Variants in FETUB observed in about 807,000 individuals in gnomAD.
The protein encoded by FETUB is fetuin-B.
Under a neutral mutation model 30.9 loss-of-function variants are expected in FETUB, and 28 were observed. That is an observed-to-expected ratio of 0.90 (90% CI 0.67 to 1.24). FETUB has a LOEUF of 1.24. Ranked by LOEUF, FETUB falls within the 50% of genes most tolerant of loss-of-function variation. FETUB has a pLI of 0.00. For synonymous variants in FETUB, 186 were observed against 175.9 expected (o/e 1.06, Z -0.45); for missense variants, 469 against 455.3 (o/e 1.03, Z -0.27).
intron 3 of FETUB, among the ~76,000 whole-genome samples, chr3:186,643,315 A>T (rs75295253): frequency 0.061 from 9,324 of 152,286 alleles, 351 homozygotes; most frequent in African/African-American, 0.1. Context: ...TGAAATATGC[A>T]CATGCATTCA....
chr3:186,642,309 A>T lies in FETUB; in HGVS notation c.337-162A>T, dbSNP rs1009240429. The stretch of plus-strand genomic sequence containing the variant: ...CTAGCTGTGTCCTAGGGAAAGGTTA[A>T]ACAGTTTGATCATCAACTGCAGTTC... On this transcript the variant is annotated intron_variant, in intron 2 of 6. Coordinates refer to ENST00000265029, the MANE Select transcript of FETUB (RefSeq NM_014375.3). The T allele has an allele frequency of 6.0e-5, 36 of 596,638 alleles. No homozygotes were observed. In the African/African-American group the frequency reaches 6.6e-4, roughly 11 times the overall value. The allele number at this position is 596,638 out of a possible 1,614,324, so 37.0% of individuals were successfully genotyped here.
chr3:186,639,899 C>T (rs984629663), upstream of FETUB, among the ~76,000 whole-genome samples: 2 of 152,178 alleles, frequency 1.3e-5, no homozygotes, highest in Non-Finnish European at 2.9e-5. Context: ...ATAAGTAGAA[C>T]ATTTTCCACC....
Position 186,652,526 on chromosome 3 carries a change from T to C in FETUB, c.1044T>C (p.Pro348=), listed in dbSNP as rs150148690. Residue 348 remains proline, a synonymous_variant, in exon 7 of 7, where the codon CCT becomes CCC. Coordinates refer to ENST00000265029, the MANE Select transcript of FETUB (RefSeq NM_014375.3). The part of the protein sequence containing the change: ...TLDISFLFLE[P]MEEKLVVLPF... Reference sequence around the variant, plus strand: ...ATATTTCCTTCCTCTTCCTGGAGCCTATGGAGGAGAAGCTGGTGGTCCTGC... The same window carrying C: ...ATATTTCCTTCCTCTTCCTGGAGCCCATGGAGGAGAAGCTGGTGGTCCTGC... 145 of 1,614,130 alleles carry C rather than the reference T, an allele frequency of 9.0e-5. No individual in the cohort carries two copies. Among genetic ancestry groups the C allele is most frequent in the Middle Eastern group, 5.0e-4 (3 of 6,048 alleles).
chr3:186,650,514 A>C (rs1186793269), intron 5 of FETUB, among the ~76,000 whole-genome samples: 1 of 152,294 alleles, frequency 6.6e-6, no homozygotes, highest in East Asian at 1.9e-4. Context: ...TGTAGCCATT[A>C]TTTTAAAAAC....
intron 5 of FETUB, 36 bp from the exon 6 acceptor site, chr3:186,651,181 TG>T: frequency 7.3e-7 from 1 of 1,365,210 alleles, no homozygotes; most frequent in Non-Finnish European, 1.0e-6. Context: ...CTGTGATCAC[TG>T]GTAATACTCA....
intron 4 of FETUB, 80 bp from the exon 5 acceptor site, chr3:186,646,168 G>A (rs1458525189): frequency 2.1e-6 from 2 of 935,154 alleles, no homozygotes; most frequent in Admixed American, 1.8e-5. Context: ...TGTTTCTGTA[G>A]ATATAACGCT....
In FETUB at chr3:186,640,450, T is replaced by C. The variant is rs1411102545; in HGVS notation, c.-11T>C. 1.9e-6 allele frequency: 3 copies of C among 1,610,476 alleles called. No homozygotes were observed. Among genetic ancestry groups the C allele is most frequent in the Non-Finnish European group, 2.5e-6 (3 of 1,176,810 alleles). On this transcript the variant is annotated 5_prime_UTR_variant, in exon 1 of 7. Coordinates refer to ENST00000265029, the MANE Select transcript of FETUB (RefSeq NM_014375.3). Reference sequence around the variant, plus strand: ...ACAAACTGACCCATCCTGGGCCTTGTTCTCCACAGAATGGGTCTGCTCCTT... The same window carrying C: ...ACAAACTGACCCATCCTGGGCCTTGCTCTCCACAGAATGGGTCTGCTCCTT...
At chr3:186,647,755 A>G (rs866455668) in intron 5 of FETUB, among the ~76,000 whole-genome samples, 1 of 152,198 alleles carries the variant, frequency 6.6e-6, no homozygotes, top group Middle Eastern at 3.4e-3. Flanking sequence ...TCAGATATAT[A>G]TTTTTAAGTA....
intron 5 of FETUB, among the ~76,000 whole-genome samples, chr3:186,647,739 TC>T (rs1362263742): frequency 6.6e-6 from 1 of 152,178 alleles, no homozygotes; most frequent in Non-Finnish European, 1.5e-5. Flanking sequence ...AGATACAATG[TC>T]CTTATCAGAT....
intron 5 of FETUB, 150 bp downstream of exon 5, chr3:186,646,499 C>A (rs1003128437): frequency 1.6e-5 from 10 of 639,898 alleles, no homozygotes; most frequent in African/African-American, 1.5e-4. Flanking sequence ...TTAGACAGAT[C>A]CAGACTGCAT....
At chr3:186,651,520 G>A (rs371353596) in intron 6 of FETUB, 48 of 527,864 alleles carry the variant, frequency 9.1e-5, no homozygotes, top group African/African-American at 8.0e-4. Context: ...GACAAATTCA[G>A]AAACAGGGAA....
chr3:186,639,655 TA>T (rs5855107), upstream of FETUB, among the ~76,000 whole-genome samples: 231 of 129,430 alleles, frequency 1.8e-3, 1 homozygote, highest in African/African-American at 5.7e-3. Context: ...AAATAGAAGC[TA>T]AAAAAAAAAA....
rs778497462 is a variant in FETUB, at chr3:186,640,455, C to T, written c.-6C>T. 6.2e-7 allele frequency: 1 copy of T among 1,612,850 alleles called. No homozygotes were observed. Among genetic ancestry groups the T allele is most frequent in the Non-Finnish European group, 8.5e-7 (1 of 1,178,958 alleles). ...CTGACCCATCCTGGGCCTTGTTCTC[C>T]ACAGAATGGGTCTGCTCCTTCCCCT... is the stretch of plus-strand genomic sequence containing the variant. On this transcript the variant is annotated 5_prime_UTR_variant, in exon 1 of 7. Coordinates refer to ENST00000265029, the MANE Select transcript of FETUB (RefSeq NM_014375.3).
At chr3:186,646,217 T>C (rs370744934) in intron 4 of FETUB, 31 bp from the exon 5 acceptor site, 21 of 1,533,804 alleles carry the variant, frequency 1.4e-5, no homozygotes, top group Non-Finnish European at 1.8e-5. Context: ...AAATGTTTGA[T>C]TTTTATGTCT....
At chr3:186,648,491 T>C (rs1024647156) in intron 5 of FETUB, among the ~76,000 whole-genome samples, 1 of 152,234 alleles carries the variant, frequency 6.6e-6, no homozygotes, top group Non-Finnish European at 1.5e-5. Context: ...TGAATTCTCA[T>C]GCTGATTTTA....
Position 186,641,082 on chromosome 3 carries a change from G to A in FETUB, c.278G>A (p.Cys93Tyr), listed in dbSNP as rs757812774. 1 of 1,614,012 alleles carries A rather than the reference G, an allele frequency of 6.2e-7. No individual in the cohort carries two copies. The highest frequency in any genetic ancestry group is 8.5e-7 in the Non-Finnish European group (1 of 1,179,916). ...ACACTGGATGTGCTAGAGACTGACTGCCATGTGCTCAGAAAGAAGGCATGG... is the reference window on the plus strand; with the variant it reads ...ACACTGGATGTGCTAGAGACTGACTACCATGTGCTCAGAAAGAAGGCATGG... Reference protein sequence around the residue: ...YLTLDVLETDCHVLRKKAWQD... With the variant: ...YLTLDVLETDYHVLRKKAWQD... The change falls in exon 2 of 7, where the codon TGC becomes TAC. Residue 93 changes from cysteine to tyrosine, a missense_variant. By Grantham distance (194) the Cys-to-Tyr change is radical (BLOSUM62 -2). Transcript: ENST00000265029.
At chr3:186,644,971 G>C in intron 4 of FETUB, 51 bp downstream of exon 4, 9 of 1,446,832 alleles carry the variant, frequency 6.2e-6, no homozygotes, top group Non-Finnish European at 8.4e-6. Flanking sequence ...CATAACTGTT[G>C]CTGTAGGTTC....
At chr3:186,641,181 A>G in intron 2 of FETUB, 41 bp downstream of exon 2, 1 of 1,209,240 alleles carries the variant, frequency 8.3e-7, no homozygotes, top group Non-Finnish European at 1.2e-6. Flanking sequence ...GCCCTAGGGA[A>G]AGCAAGTAGG....
intron 1 of FETUB, 115 bp downstream of exon 1, chr3:186,640,800 C>A: frequency 2.3e-6 from 2 of 868,436 alleles, no homozygotes; most frequent in East Asian, 2.4e-5. Flanking sequence ...GGAAGCCCTG[C>A]CGAGAACTCT....
Sources: allele counts gnomAD v4.1 joint callset (sites outside exome capture counted in the v4.1 genomes callset), GRCh38; gene constraint gnomAD v4.1.1; transcripts MANE v1.5; gene names NCBI Gene and HGNC (gene_info 2026-07-23, HGNC 2026-07-21).